The following CASS4 variants were observed in gnomAD, a reference collection of about 807,000 sequenced individuals.
The protein encoded by CASS4 is Cas scaffold protein family member 4, also known as cas scaffolding protein family member 4.
A neutral mutation model predicts 54.2 loss-of-function variants in CASS4; 22 were observed. The observed-to-expected ratio is 0.41, with a 90% CI of 0.29 to 0.58. The LOEUF (loss-of-function observed/expected upper bound fraction) is 0.58. CASS4 is among the 20% of genes least tolerant of loss of function. CASS4 has a pLI of 0.36. For synonymous variants in CASS4, 409 were observed against 391.5 expected (o/e 1.04, Z -0.53); for missense variants, 854 against 986.7 (o/e 0.87, Z 1.80).
At chr20:56,426,163 T>C (rs1362926288) in intron 1 of CASS4, among the ~76,000 whole-genome samples, 1 of 152,222 alleles carries the variant, frequency 6.6e-6, no homozygotes, top group Non-Finnish European at 1.5e-5. Context: ...AAGAGCACAC[T>C]CCAGACCCAA....
At chr20:56,453,424 T>C (rs1024343590) in intron 5 of CASS4, 10 of 235,242 alleles carry the variant, frequency 4.3e-5, no homozygotes, top group African/African-American at 2.3e-4. Context: ...TTCTTAAAAA[T>C]TTATTATTTG....
At chr20:56,424,702 C>T (rs1197532275) in intron 1 of CASS4, among the ~76,000 whole-genome samples, 2 of 139,498 alleles carry the variant, frequency 1.4e-5, no homozygotes, top group Non-Finnish European at 3.0e-5. Context: ...GATCGCACCA[C>T]TGCATTCCAG....
intron 1 of CASS4, among the ~76,000 whole-genome samples, chr20:56,431,606 C>T (rs1311128187): frequency 6.6e-6 from 1 of 152,222 alleles, no homozygotes; most frequent in Non-Finnish European, 1.5e-5. Context: ...TGCTATTCAT[C>T]TTGGACAGCT....
chr20:56,434,207 C>T (rs1239907949), intron 1 of CASS4, among the ~76,000 whole-genome samples: 1 of 152,040 alleles, frequency 6.6e-6, no homozygotes, highest in Non-Finnish European at 1.5e-5. Context: ...TTCCACCCAC[C>T]GACTTCCCAC....
chr20:56,455,010 A>G (rs1981224665), intron 5 of CASS4, among the ~76,000 whole-genome samples: 1 of 152,198 alleles, frequency 6.6e-6, no homozygotes, highest in Non-Finnish European at 1.5e-5. Context: ...TGACAGGGCT[A>G]AATAGGACTG....
In CASS4 at chr20:56,450,608, A is replaced by AAGC; in HGVS notation, c.577_579dup (p.Gln193dup). Reference sequence around the variant, plus strand: ...TGTGGTCTTTCCCCAGGAGCCAGAGAAGCAGCAGTTATATGACATACCAGC... The same window carrying AAGC: ...TGTGGTCTTTCCCCAGGAGCCAGAGAAGCAGCAGCAGTTATATGACATACCAGC... On this transcript the variant is annotated inframe_insertion, in exon 4 of 6. Coordinates refer to ENST00000679887, the MANE Select transcript of CASS4 (RefSeq NM_020356.4). 6.2e-7 allele frequency: 1 copy of AAGC among 1,614,168 alleles called. No homozygotes were observed. The highest frequency in any genetic ancestry group is 8.5e-7 in the Non-Finnish European group (1 of 1,180,014).
intron 1 of CASS4, among the ~76,000 whole-genome samples, chr20:56,432,479 C>T (rs1979957186): frequency 6.7e-6 from 1 of 149,826 alleles, no homozygotes. Context: ...GCCATCCACT[C>T]ACCTCAGCCT....
chr20:56,426,654 C>T (rs1979655119), intron 1 of CASS4, among the ~76,000 whole-genome samples: 1 of 152,112 alleles, frequency 6.6e-6, no homozygotes, highest in South Asian at 2.1e-4. Flanking sequence ...CGGCTCATTG[C>T]AATCTCCACC....
chr20:56,438,787 G>A (rs1046474016), intron 2 of CASS4, among the ~76,000 whole-genome samples: 1 of 152,214 alleles, frequency 6.6e-6, no homozygotes, highest in African/African-American at 2.4e-5. Flanking sequence ...AACCTGGGAG[G>A]GGAAGGTTGC....
chr20:56,420,614 C>T (rs1005819129), intron 1 of CASS4, among the ~76,000 whole-genome samples: 3 of 148,810 alleles, frequency 2.0e-5, no homozygotes, highest in African/African-American at 5.0e-5. Flanking sequence ...AGGCTTGTCT[C>T]GAACTCCTGA....
At chr20:56,451,459 G>A (rs759239514) in intron 4 of CASS4, among the ~76,000 whole-genome samples, 3 of 152,060 alleles carry the variant, frequency 2.0e-5, no homozygotes, top group East Asian at 1.9e-4. Flanking sequence ...GCATTTCGCC[G>A]TGTCAGGGGG....
intron 1 of CASS4, among the ~76,000 whole-genome samples, chr20:56,427,586 T>C (rs1363585608): frequency 1.3e-5 from 2 of 152,200 alleles, no homozygotes; most frequent in Admixed American, 6.5e-5. Context: ...ACTCTCTCGA[T>C]GTTGAGTCTG....
At chr20:56,420,491 C>T (rs1260889141) in intron 1 of CASS4, among the ~76,000 whole-genome samples, 1 of 151,990 alleles carries the variant, frequency 6.6e-6, no homozygotes, top group East Asian at 1.9e-4. Flanking sequence ...TGGGCTCAAG[C>T]AATCCTCCTG....
intron 1 of CASS4, among the ~76,000 whole-genome samples, chr20:56,423,726 G>A (rs1007538739): frequency 3.3e-5 from 5 of 152,004 alleles, no homozygotes; most frequent in Non-Finnish European, 5.9e-5. Flanking sequence ...TGTATTTTTA[G>A]TAGAGTCGGG....
chr20:56,433,007 G>A, intron 1 of CASS4, among the ~76,000 whole-genome samples: 1 of 152,206 alleles, frequency 6.6e-6, no homozygotes, highest in Non-Finnish European at 1.5e-5. Flanking sequence ...GGGGCGTTAT[G>A]TCACGCCTCT....
At position 56,453,372 on chromosome 20, in the gene CASS4, C is replaced by T. The variant is rs78249071; in HGVS notation, c.1953+243C>T. 1,969 of 347,706 alleles carry T rather than the reference C, an allele frequency of 5.7e-3. 39 individuals are homozygous for T. Among genetic ancestry groups the T allele is most frequent in the African/African-American group, 0.038 (1,823 of 47,618 alleles). The allele number at this position is 347,706 out of a possible 1,614,324, so 21.5% of individuals were successfully genotyped here. ...TTGGATTTCTTCCGAAAACTTTTGG[C>T]GTTCAAGTTTACCATATTAGAATTA... On this transcript the variant is annotated intron_variant, in intron 5 of 5. Coordinates refer to ENST00000679887, the MANE Select transcript of CASS4 (RefSeq NM_020356.4).
At chr20:56,455,403 T>C (rs1247246674) in intron 5 of CASS4, among the ~76,000 whole-genome samples, 1 of 151,898 alleles carries the variant, frequency 6.6e-6, no homozygotes, top group East Asian at 1.9e-4. Context: ...GCAGATGGGG[T>C]AGAGGGTGGA....
At chr20:56,419,625 T>C (rs1249676337) in intron 1 of CASS4, among the ~76,000 whole-genome samples, 2 of 152,078 alleles carry the variant, frequency 1.3e-5, no homozygotes, top group African/African-American at 4.8e-5. Flanking sequence ...TGGGTTTTTT[T>C]TCACCATGTT....
At chr20:56,441,249 C>G (rs1022608297) in intron 2 of CASS4, among the ~76,000 whole-genome samples, 8 of 151,830 alleles carry the variant, frequency 5.3e-5, no homozygotes, top group African/African-American at 1.9e-4. Flanking sequence ...CCACCTCAGC[C>G]TCCCAAAGTG....
Sources: allele counts gnomAD v4.1 joint callset (sites outside exome capture counted in the v4.1 genomes callset), GRCh38; gene constraint gnomAD v4.1.1; transcripts MANE v1.5; gene names NCBI Gene and HGNC (gene_info 2026-07-23, HGNC 2026-07-21).